DMXL1: variants seen among roughly 807,000 people sequenced by gnomAD.
DMXL1 encodes the protein dmX-like protein 1.
A neutral mutation model predicts 319.2 loss-of-function variants in DMXL1; 99 were observed. The ratio of observed to expected loss-of-function variants is 0.31; its 90% CI spans 0.26 to 0.37. DMXL1 has a LOEUF of 0.37. Among genes scored for constraint, DMXL1 ranks in the 10% least tolerant of loss-of-function variants. The pLI is 1.00. For synonymous variants in DMXL1, 1,385 were observed against 1,235.2 expected (o/e 1.12, Z -2.54); for missense variants, 3,745 against 3,595.6 (o/e 1.04, Z -1.06).
Position 119,085,773 on chromosome 5 carries a change from G to GA in DMXL1, c.88-12201dup, listed in dbSNP as rs1470062057. 2.6e-5 allele frequency among the ~76,000 whole-genome samples: 4 copies of GA among 152,188 alleles called. No homozygotes were observed. The South Asian group carries it at 6.2e-4, about 24-fold the overall frequency. On this transcript the variant is annotated intron_variant, in intron 1 of 43. Transcript: ENST00000539542. ...GGCATTCTTGTTCCATATCTTAGAG[G>GA]AAAAATCTTCAGTTTTTCCCTATTT...
intron 1 of DMXL1, among the ~76,000 whole-genome samples, chr5:119,085,191 CATG>C (rs1281564492): frequency 6.6e-6 from 1 of 151,800 alleles, no homozygotes; most frequent in Non-Finnish European, 1.5e-5. Context: ...ATTAGCCAGG[CATG>C]GTGGTGTGCA....
chr5:119,228,350 C>T (rs1437256908), intron 38 of DMXL1, among the ~76,000 whole-genome samples: 1 of 152,180 alleles, frequency 6.6e-6, no homozygotes, highest in Non-Finnish European at 1.5e-5. Context: ...AAAGACTTAA[C>T]ATGGCCATGA....
At chr5:119,209,321 A>G (rs79684730) in intron 34 of DMXL1, among the ~76,000 whole-genome samples, 1 of 151,518 alleles carries the variant, frequency 6.6e-6, no homozygotes, top group African/African-American at 2.4e-5. Flanking sequence ...GTATATTCTC[A>G]ATGGATTGTG....
intron 26 of DMXL1, 108 bp downstream of exon 26, chr5:119,175,445 A>G (rs1260996103): frequency 2.7e-6 from 2 of 752,784 alleles, no homozygotes; most frequent in Non-Finnish European, 4.1e-6. Context: ...TAAATAATGC[A>G]AAAAGCATAT....
chr5:119,073,696 T>A (rs1327506393), intron 1 of DMXL1, among the ~76,000 whole-genome samples: 1 of 152,184 alleles, frequency 6.6e-6, no homozygotes, highest in African/African-American at 2.4e-5. Flanking sequence ...AATAAATTTT[T>A]AAGTATAAAG....
chr5:119,168,967 T>A (rs1554124900), intron 23 of DMXL1, among the ~76,000 whole-genome samples: 1 of 152,130 alleles, frequency 6.6e-6, no homozygotes, highest in Non-Finnish European at 1.5e-5. Context: ...AGTGGGGCTA[T>A]CTCAGCTCAC....
intron 1 of DMXL1, among the ~76,000 whole-genome samples, chr5:119,092,058 A>G (rs1436033903): frequency 6.6e-6 from 1 of 152,058 alleles, no homozygotes; most frequent in African/African-American, 2.4e-5. Flanking sequence ...GTGTAGAAAC[A>G]ATGTTTGGGG....
At chr5:119,204,685 G>T (rs1781451034) in intron 33 of DMXL1, among the ~76,000 whole-genome samples, 1 of 151,944 alleles carries the variant, frequency 6.6e-6, no homozygotes, top group Non-Finnish European at 1.5e-5. Context: ...AACAGTAGAT[G>T]CAGTGATGTA....
rs111815608 is a variant in DMXL1 at position 119,143,151 on chromosome 5, A to G, written c.2377-690A>G. Among the ~76,000 whole-genome samples the G allele has an allele frequency of 1.3e-5, 2 of 152,124 alleles. 1 individual carries two copies. The highest frequency in any genetic ancestry group is 4.8e-5 in the African/African-American group (2 of 41,516). Reference sequence around the variant, plus strand: ...ACTGGGCTTAGTACCTGGATGATGAAATAATCTGTACAACAAAGCCCTGTG... The same window carrying G: ...ACTGGGCTTAGTACCTGGATGATGAGATAATCTGTACAACAAAGCCCTGTG... On this transcript the variant is annotated intron_variant, in intron 13 of 43. Coordinates refer to ENST00000539542, the MANE Select transcript of DMXL1 (RefSeq NM_001290321.3).
At chr5:119,202,056 G>T (rs1159749702) in intron 32 of DMXL1, among the ~76,000 whole-genome samples, 1 of 152,000 alleles carries the variant, frequency 6.6e-6, no homozygotes, top group Non-Finnish European at 1.5e-5. Flanking sequence ...GGTTTTGTGT[G>T]TCTCAATTTC....
intron 37 of DMXL1, among the ~76,000 whole-genome samples, chr5:119,221,348 C>G (rs945736869): frequency 3.3e-5 from 5 of 152,146 alleles, no homozygotes. Flanking sequence ...TCAGATCAGG[C>G]TTCAGCAAGG....
intron 19 of DMXL1, among the ~76,000 whole-genome samples, chr5:119,163,679 C>G (rs1772754630): frequency 6.6e-6 from 1 of 152,242 alleles, no homozygotes; most frequent in Admixed American, 6.5e-5. Flanking sequence ...AGCTCTGCCT[C>G]CTGGGTTCAC....
intron 42 of DMXL1, among the ~76,000 whole-genome samples, chr5:119,241,992 C>T (rs1263277978): frequency 3.3e-5 from 5 of 152,042 alleles, no homozygotes; most frequent in East Asian, 1.9e-4. Context: ...TTACATTTCT[C>T]GACTGTCGAT....
At chr5:119,183,095 G>T (rs571845342) in intron 28 of DMXL1, among the ~76,000 whole-genome samples, 7 of 152,208 alleles carry the variant, frequency 4.6e-5, no homozygotes, top group Admixed American at 3.3e-4. Context: ...CATTTTATTT[G>T]TGGTAAGCAT....
At chr5:119,213,802 T>TA (rs796951116) in intron 34 of DMXL1, among the ~76,000 whole-genome samples, 44 of 152,360 alleles carry the variant, frequency 2.9e-4, no homozygotes, top group African/African-American at 9.1e-4. Flanking sequence ...ACTTCCAGTA[T>TA]ACTAAATTTA....
intron 10 of DMXL1, among the ~76,000 whole-genome samples, chr5:119,132,429 C>G (rs1765117043): frequency 6.6e-6 from 1 of 152,132 alleles, no homozygotes; most frequent in Non-Finnish European, 1.5e-5. Flanking sequence ...GCCTGTAATG[C>G]CAGTACTTTG....
At chr5:119,082,010 TATATATATATACACACACACACACAC>T (rs999507242) in intron 1 of DMXL1, among the ~76,000 whole-genome samples, 13 of 77,144 alleles carry the variant, frequency 1.7e-4, no homozygotes, top group African/African-American at 4.5e-4. Context: ...TATATATATA[TATATATATATACACACACACACACAC>T]ACACACACAC....
chr5:119,211,348 T>C (rs1782773426), intron 34 of DMXL1, among the ~76,000 whole-genome samples: 1 of 152,202 alleles, frequency 6.6e-6, no homozygotes, highest in African/African-American at 2.4e-5. Flanking sequence ...CTGAAGTGTT[T>C]GGTAGAATCC....
rs532381502 is a variant in DMXL1 at position 119,087,634 on chromosome 5, G to A, written c.88-10345G>A. On this transcript the variant is annotated intron_variant, in intron 1 of 43. Coordinates refer to ENST00000539542, the MANE Select transcript of DMXL1 (RefSeq NM_001290321.3). ...TGAAAATAATGTATATTCTGCAGCG[G>A]TTAGGTGGGTGTTCTTTAAATGTCA... is the stretch of plus-strand genomic sequence containing the variant. 2.0e-5 allele frequency among the ~76,000 whole-genome samples: 3 copies of A among 152,136 alleles called. No homozygotes were observed. In the South Asian group the frequency reaches 6.2e-4, roughly 32 times the overall value.
Sources: allele counts gnomAD v4.1 joint callset (sites outside exome capture counted in the v4.1 genomes callset), GRCh38; gene constraint gnomAD v4.1.1; transcripts MANE v1.5; gene names NCBI Gene and HGNC (gene_info 2026-07-23, HGNC 2026-07-21).